The following CHSY3 variants were observed in gnomAD, a reference collection of about 807,000 sequenced individuals.
CHSY3 encodes chondroitin sulfate synthase 3, also known as N-acetylgalactosaminyl-proteoglycan 3-beta-glucuronosyltransferase 3.
CHSY3 carries 35 observed loss-of-function variants against 67.2 expected under a neutral mutation model. That is an observed-to-expected ratio of 0.52 (90% CI 0.40 to 0.69). The LOEUF is 0.69. Ranked by LOEUF, CHSY3 falls within the 30% of genes least tolerant of loss-of-function variation. The pLI is 0.00. For missense variants in CHSY3, 1,069 were observed against 1,138.5 expected (o/e 0.94, Z 0.88); for synonymous variants, 474 against 434.7 (o/e 1.09, Z -1.12).
At chr5:130,087,649 C>G (rs913575786) in intron 2 of CHSY3, among the ~76,000 whole-genome samples, 1 of 151,978 alleles carries the variant, frequency 6.6e-6, no homozygotes, top group African/African-American at 2.4e-5. Flanking sequence ...ACCTAGGAAT[C>G]CAACTTACAT....
At chr5:130,038,996 T>C (rs1764933744) in intron 2 of CHSY3, among the ~76,000 whole-genome samples, 1 of 152,130 alleles carries the variant, frequency 6.6e-6, no homozygotes, top group Non-Finnish European at 1.5e-5. Context: ...TACGAATATT[T>C]CTATATCGTA....
chr5:130,051,382 C>A (rs540977966), intron 2 of CHSY3, among the ~76,000 whole-genome samples: 1 of 152,094 alleles, frequency 6.6e-6, no homozygotes, highest in African/African-American at 2.4e-5. Flanking sequence ...TCTACCAGAT[C>A]CACTAAATTT....
At chr5:130,159,159 G>GTTTT (rs1769454690) in intron 2 of CHSY3, among the ~76,000 whole-genome samples, 2 of 81,344 alleles carry the variant, frequency 2.5e-5, no homozygotes, top group Non-Finnish European at 5.0e-5. Flanking sequence ...ATTAAGATTT[G>GTTTT]TCTTTTTTTT....
In CHSY3 at chr5:130,185,174, C is replaced by G. The variant is rs762712266; in HGVS notation, c.2032C>G (p.Gln678Glu). The G allele has an allele frequency of 6.2e-7, 1 of 1,607,526 alleles. No individual in the cohort carries two copies. Among genetic ancestry groups the G allele is most frequent in the Non-Finnish European group, 8.5e-7 (1 of 1,174,086 alleles). The change falls in exon 3 of 3, where the codon CAG becomes GAG. Residue 678 changes from glutamine to glutamate, a missense_variant. Around this residue, in one of 5 missense-constraint regions of CHSY3, gnomAD observed 401 missense variants for 395.2 expected, o/e 1.01. Transcript: ENST00000305031. ...GCATATTGAGCTGATAAAAGGGTAC[C>G]AGAACAAGTACCCCAAAGCAGAAAT... Reference protein sequence around the residue: ...SKHIELIKGYQNKYPKAEMTL... With the variant: ...SKHIELIKGYENKYPKAEMTL...
intron 2 of CHSY3, among the ~76,000 whole-genome samples, chr5:129,937,527 A>G (rs574856034): frequency 1.3e-4 from 20 of 152,190 alleles, no homozygotes; most frequent in African/African-American, 4.6e-4. Context: ...TTAAAACACA[A>G]TAATGCCTCC....
intron 2 of CHSY3, among the ~76,000 whole-genome samples, chr5:129,978,794 A>G (rs1762885581): frequency 6.6e-6 from 1 of 152,152 alleles, no homozygotes; most frequent in African/African-American, 2.4e-5. Context: ...AAGGAAATAT[A>G]TTTGATAATT....
At chr5:130,138,234 C>T (rs539857761) in intron 2 of CHSY3, among the ~76,000 whole-genome samples, 180 of 152,292 alleles carry the variant, frequency 1.2e-3, no homozygotes, top group African/African-American at 4.1e-3. Context: ...GGAAGCCATT[C>T]GAGGGCTGAG....
At position 130,023,892 on chromosome 5, in the gene CHSY3, TAAACATAACAC is replaced by T. The variant is rs149465958; in HGVS notation, c.1086+115534_1086+115544del. Among the ~76,000 whole-genome samples the T allele has an allele frequency of 4.8e-3, 727 of 152,026 alleles. 4 individuals carry two copies. The highest frequency in any genetic ancestry group is 0.028 in the South Asian group (134 of 4,826). ...ACACAGCATTATAGCACATATTATT[TAAACATAACAC>T]AGTAAGACCATTCCCCGCCCCCCCA... On this transcript the variant is annotated intron_variant, in intron 2 of 2. Coordinates refer to ENST00000305031, the MANE Select transcript of CHSY3 (RefSeq NM_175856.5).
chr5:130,177,354 A>G (rs73248939), intron 2 of CHSY3, among the ~76,000 whole-genome samples: 8,841 of 151,802 alleles, frequency 0.058, 848 homozygotes, highest in African/African-American at 0.2. Context: ...TGAAATATCT[A>G]TTGGTTGCCC....
At chr5:130,035,974 G>A (rs1764851950) in intron 2 of CHSY3, among the ~76,000 whole-genome samples, 1 of 136,918 alleles carries the variant, frequency 7.3e-6, no homozygotes, top group African/African-American at 2.8e-5. Flanking sequence ...TCAAACTCCT[G>A]TATTAAAAAG....
At chr5:130,002,407 C>T (rs1410899080) in intron 2 of CHSY3, among the ~76,000 whole-genome samples, 3 of 152,084 alleles carry the variant, frequency 2.0e-5, no homozygotes, top group East Asian at 3.9e-4. Flanking sequence ...GCCCCAGTTG[C>T]GCAGCACTTG....
intron 2 of CHSY3, among the ~76,000 whole-genome samples, chr5:129,931,256 T>A (rs1761298824): frequency 6.6e-6 from 1 of 152,166 alleles, no homozygotes; most frequent in Admixed American, 6.6e-5. Flanking sequence ...GTTTCATGGA[T>A]CTCAGCTGAT....
chr5:129,971,290 G>A (rs1188864026), intron 2 of CHSY3, among the ~76,000 whole-genome samples: 4 of 151,480 alleles, frequency 2.6e-5, no homozygotes, highest in African/African-American at 9.7e-5. Context: ...TCAAAATATA[G>A]TAAATTATTT....
At chr5:130,117,325 A>C (rs1430286461) in intron 2 of CHSY3, among the ~76,000 whole-genome samples, 2 of 152,238 alleles carry the variant, frequency 1.3e-5, no homozygotes, top group Non-Finnish European at 2.9e-5. Flanking sequence ...CTGTTGATAG[A>C]AGAAATGTTG....
intron 1 of CHSY3, chr5:129,905,893 G>A: frequency 2.7e-6 from 2 of 736,188 alleles, no homozygotes; most frequent in Non-Finnish European, 4.1e-6. Flanking sequence ...GCCGCCTCGC[G>A]CTTGTCCCTT....
chr5:129,977,813 T>G lies in CHSY3; in HGVS notation c.1086+69453T>G, dbSNP rs76665930. 9.8e-3 allele frequency among the ~76,000 whole-genome samples: 1,496 copies of G among 152,062 alleles called. 27 individuals carry two copies. The highest frequency in any genetic ancestry group is 0.035 in the African/African-American group (1,442 of 41,480). On this transcript the variant is annotated intron_variant, in intron 2 of 2. Transcript: ENST00000305031. ...TTTAAGCAAACATGTATGGAAATATTAAGTCATTTTCCAGATTTTGACTTG... is the reference window on the plus strand; with the variant it reads ...TTTAAGCAAACATGTATGGAAATATGAAGTCATTTTCCAGATTTTGACTTG...
At chr5:130,175,365 A>G (rs1177075309) in intron 2 of CHSY3, among the ~76,000 whole-genome samples, 1 of 152,214 alleles carries the variant, frequency 6.6e-6, no homozygotes, top group Non-Finnish European at 1.5e-5. Context: ...GAGGACACAA[A>G]CAAATGGAAA....
intron 2 of CHSY3, among the ~76,000 whole-genome samples, chr5:129,956,772 G>A (rs1762187859): frequency 6.6e-6 from 1 of 151,846 alleles, no homozygotes; most frequent in African/African-American, 2.4e-5. Flanking sequence ...TCAGATGGTT[G>A]TAGGTTTGCA....
intron 2 of CHSY3, among the ~76,000 whole-genome samples, chr5:129,967,486 C>T (rs193056728): frequency 7.9e-5 from 12 of 151,928 alleles, no homozygotes; most frequent in Admixed American, 3.9e-4. Flanking sequence ...CTAAATATGG[C>T]ATTTATTTAA....
Sources: gnomAD v4.1 joint callset for allele counts (sites outside exome capture counted in the v4.1 genomes callset) on GRCh38, gnomAD v4.1.1 for gene constraint, gnomAD v4.1.1 regional missense constraint, MANE v1.5 for transcripts, NCBI Gene and HGNC (gene_info 2026-07-23, HGNC 2026-07-21) for gene names.